Variants in DOCK10 observed in about 807,000 individuals in gnomAD.
DOCK10 encodes the protein dedicator of cytokinesis protein 10.
In DOCK10, 145 loss-of-function variants were observed where a neutral mutation model predicts 280.1. The ratio of observed to expected loss-of-function variants is 0.52; its 90% CI spans 0.45 to 0.59. The LOEUF is 0.59. Ranked by LOEUF, DOCK10 falls within the 20% of genes least tolerant of loss-of-function variation. The pLI, the probability that DOCK10 is intolerant of heterozygous loss-of-function variation, is 0.00. For synonymous variants in DOCK10, 915 were observed against 942.2 expected, an observed-to-expected ratio of 0.97 and a Z score of 0.53; for missense variants, 2,368 against 2,651.7, an observed-to-expected ratio of 0.89 and a Z score of 2.35.
At chr2:224,862,414 C>T (rs375172817) in intron 14 of DOCK10, 2 of 350,962 alleles carry the variant, frequency 5.7e-6, no homozygotes, top group East Asian at 4.7e-5. Context: ...CTACCAAGAA[C>T]CCATAGCATA....
chr2:224,958,921 TA>T (rs1278873104), intron 1 of DOCK10, among the ~76,000 whole-genome samples: 1 of 152,232 alleles, frequency 6.6e-6, no homozygotes, highest in Non-Finnish European at 1.5e-5. Flanking sequence ...GGAAAGGTAT[TA>T]AAGTACACTG....
At chr2:224,944,824 A>G (rs1703302027) in intron 1 of DOCK10, among the ~76,000 whole-genome samples, 1 of 152,244 alleles carries the variant, frequency 6.6e-6, no homozygotes, top group African/African-American at 2.4e-5. Flanking sequence ...AAAGCAGGCA[A>G]CTGTAGCACG....
intron 1 of DOCK10, among the ~76,000 whole-genome samples, chr2:224,940,814 C>T (rs1032666851): frequency 2.0e-5 from 3 of 152,252 alleles, no homozygotes; most frequent in East Asian, 1.9e-4. Context: ...TGGGAAGTTC[C>T]GGCAAACCCC....
chr2:224,893,695 A>G, intron 4 of DOCK10: 1 of 425,560 alleles, frequency 2.3e-6, no homozygotes, highest in Admixed American at 3.3e-5. Flanking sequence ...TCAATAATAC[A>G]CATTTAAATT....
intron 1 of DOCK10, among the ~76,000 whole-genome samples, chr2:224,934,182 T>C (rs1233074297): frequency 1.3e-5 from 2 of 152,178 alleles, no homozygotes; most frequent in South Asian, 2.1e-4. Flanking sequence ...ATAAAACATA[T>C]GGCCTGCAAG....
At position 224,864,924 on chromosome 2, in the gene DOCK10, T is replaced by G. The variant is rs750252671; in HGVS notation, c.1421A>C (p.Gln474Pro). The G allele has an allele frequency of 6.2e-7, 1 of 1,614,016 alleles. No homozygotes were observed. Among genetic ancestry groups the G allele is most frequent in the Non-Finnish European group, 8.5e-7 (1 of 1,179,902 alleles). Residue 474 changes from glutamine (Q) to proline (P), a missense_variant, in exon 12 of 56, where the codon CAA becomes CCA. Transcript: ENST00000258390. ...TCCCTTGATGTGAGGTTCTTCTGAT[T>G]GTCTTGGAGTGATGGTGTCGATGTT... ...NGNIDTITPR[Q>P]SEEPHIKGLP...
At chr2:224,916,540 CAAAAAAAAAAA>C (rs35956360) in intron 3 of DOCK10, among the ~76,000 whole-genome samples, 144 bp downstream of exon 3, 1 of 110,938 alleles carries the variant, frequency 9.0e-6, no homozygotes. Context: ...CACCCTCCCT[CAAAAAAAAAAA>C]AAAAAAAAAA....
intron 1 of DOCK10, among the ~76,000 whole-genome samples, chr2:225,040,135 A>G (rs1053450389): frequency 2.6e-5 from 4 of 152,198 alleles, no homozygotes; most frequent in Admixed American, 6.5e-5. Flanking sequence ...ACATAGTCCA[A>G]TGACACGGTT....
chr2:225,026,757 G>T (rs150741506), intron 1 of DOCK10, among the ~76,000 whole-genome samples: 11 of 152,184 alleles, frequency 7.2e-5, no homozygotes, highest in Admixed American at 1.3e-4. Flanking sequence ...ACCTAGGGGG[G>T]GTTTTGTGGG....
intron 1 of DOCK10, among the ~76,000 whole-genome samples, chr2:224,933,597 A>G (rs1207540505): frequency 4.6e-5 from 7 of 152,208 alleles, no homozygotes; most frequent in Admixed American, 3.9e-4. Context: ...CAAAATGTAC[A>G]GTAAAACCCT....
At chr2:225,020,161 TA>T (rs1256722450) in intron 1 of DOCK10, among the ~76,000 whole-genome samples, 1 of 152,132 alleles carries the variant, frequency 6.6e-6, no homozygotes, top group East Asian at 1.9e-4. Flanking sequence ...TAATGGTTCA[TA>T]AGTGAATAGT....
chr2:224,916,558 A>AAG, intron 3 of DOCK10, 137 bp downstream of exon 3: 3 of 544,792 alleles, frequency 5.5e-6, no homozygotes, highest in Non-Finnish European at 9.3e-6. Context: ...AAAAAAAAAA[A>AAG]AAAAGACATC....
rs1693298600 is a variant in DOCK10 at position 224,805,069 on chromosome 2, G to C, written c.4107C>G (p.Phe1369Leu). Residue 1369 changes from phenylalanine (F) to leucine (L), a missense_variant, in exon 37 of 56, where the codon TTC (phenylalanine) becomes TTG (leucine). Physicochemically the swap from Phe to Leu is conservative, Grantham distance 22. Coordinates refer to ENST00000258390, the MANE Select transcript of DOCK10 (RefSeq NM_014689.3). The surrounding 1 kb of genome is among the most constrained non-coding windows in gnomAD (Gnocchi z 4.3). ...ACTCTAAAACTTACTCCAAGATGCT[G>C]AAGAAGTCGGACACCTCTGGGCTGG... ...RAPSPEVSDF[F>L]SILDVCLQNF... 1.1e-5 allele frequency: 18 copies of C among 1,608,996 alleles called. No individual in the cohort carries two copies. The East Asian group carries it at 4.0e-4, about 36-fold the overall frequency.
intron 41 of DOCK10, among the ~76,000 whole-genome samples, chr2:224,799,604 A>G (rs1005739889): frequency 6.6e-5 from 10 of 152,222 alleles, no homozygotes; most frequent in African/African-American, 2.2e-4. Flanking sequence ...ACTGTTCTCC[A>G]ACATGTTTTT....
rs533652056 is a variant in DOCK10, at chr2:225,035,767, G to A, written c.123+6485C>T. On this transcript the variant is annotated intron_variant, in intron 1 of 55. Coordinates refer to ENST00000258390, the MANE Select transcript of DOCK10 (RefSeq NM_014689.3). The stretch of plus-strand genomic sequence containing the variant: ...TTCTCAGTTCTGGAGGCTGAAGTCT[G>A]AGATCATGGTGCTAACATGGTTGGG... Among the ~76,000 whole-genome samples the A allele has an allele frequency of 4.6e-5, 7 of 151,372 alleles. No homozygotes were observed. The East Asian group carries it at 1.4e-3, about 30-fold the overall frequency.
At chr2:224,768,639 G>T (rs527610785) in intron 55 of DOCK10, among the ~76,000 whole-genome samples, 1 of 152,310 alleles carries the variant, frequency 6.6e-6, no homozygotes, top group East Asian at 1.9e-4. Context: ...TACTTTAGAA[G>T]TTGGAGTATG....
chr2:224,947,061 GA>G, intron 1 of DOCK10: 2 of 1,411,294 alleles, frequency 1.4e-6, no homozygotes, highest in Non-Finnish European at 1.8e-6. Flanking sequence ...GGTAAAAAGG[GA>G]AATGCTCATG....
chr2:225,008,395 C>G (rs1449555896), intron 1 of DOCK10, among the ~76,000 whole-genome samples: 1 of 152,156 alleles, frequency 6.6e-6, no homozygotes, highest in Non-Finnish European at 1.5e-5. Context: ...AGTCTTATAT[C>G]AACACTTTAT....
At chr2:224,961,470 T>TTTCTTTCTTTCTTTCTTTC (rs1559874209) in intron 1 of DOCK10, among the ~76,000 whole-genome samples, 4 of 120,260 alleles carry the variant, frequency 3.3e-5, no homozygotes, top group Non-Finnish European at 5.3e-5. Flanking sequence ...TTCTTTCTTT[T>TTTCTTTCTTTCTTTCTTTC]TCTTTCTTTC....
Sources: gnomAD v4.1 joint callset for allele counts (sites outside exome capture counted in the v4.1 genomes callset) on GRCh38, gnomAD v4.1.1 for gene constraint, Gnocchi (gnomAD v3.1) non-coding constraint, MANE v1.5 for transcripts, NCBI Gene and HGNC (gene_info 2026-07-23, HGNC 2026-07-21) for gene names.